Variants in RECQL5 observed in about 807,000 individuals in gnomAD.
RECQL5 encodes ATP-dependent DNA helicase Q5.
In RECQL5, 88 loss-of-function variants were observed where a neutral mutation model predicts 103.4. The observed-to-expected ratio is 0.85, with a 90% CI of 0.72 to 1.02. RECQL5 has a LOEUF of 1.02. Ranked by LOEUF, RECQL5 falls within the 50% of genes least tolerant of loss-of-function variation. The pLI, the probability that RECQL5 is intolerant of heterozygous loss-of-function variation, is 0.00. For missense variants in RECQL5, 1,232 were observed against 1,284.3 expected, an observed-to-expected ratio of 0.96 and a Z score of 0.62; for synonymous variants, 552 against 507.9, an observed-to-expected ratio of 1.09 and a Z score of -1.17.
intron 8 of RECQL5, among the ~76,000 whole-genome samples, chr17:75,642,547 T>C (rs2059446336): frequency 6.6e-6 from 1 of 152,230 alleles, no homozygotes; most frequent in African/African-American, 2.4e-5. Flanking sequence ...AGAGAGTAAG[T>C]GTTTTCATAC....
chr17:75,640,744 C>G lies in RECQL5; in HGVS notation c.1230-9076G>C. The G allele has an allele frequency of 6.5e-7, 1 of 1,530,836 alleles. No individual in the cohort carries two copies. Among genetic ancestry groups the G allele is most frequent in the African/African-American group, 1.4e-5 (1 of 72,872 alleles). 94.8% of individuals were successfully genotyped at this position (1,530,836 alleles called of 1,614,324 possible). A position where few individuals can be genotyped will look rare whatever the true frequency, so the allele number is the denominator to read the frequency against. ...TTTCTCTGGGAGGAGGGTGGGCATCCTTTCTCTCCCCCAACCTGAGTCCCG... is the reference window on the plus strand; with the variant it reads ...TTTCTCTGGGAGGAGGGTGGGCATCGTTTCTCTCCCCCAACCTGAGTCCCG... On this transcript the variant is annotated intron_variant, in intron 8 of 19. Transcript: ENST00000317905. The surrounding 1 kb of genome is among the most constrained non-coding windows in gnomAD (Gnocchi z 4.6).
chr17:75,665,248 G>A, intron 2 of RECQL5, 76 bp from the exon 3 acceptor site: 1 of 1,406,418 alleles, frequency 7.1e-7, no homozygotes, highest in Non-Finnish European at 9.9e-7. Context: ...AAATGAGAAT[G>A]TAGGAAAAGC....
In RECQL5 at chr17:75,629,944, G is replaced by A. The variant is rs575952107; in HGVS notation, c.1813-102C>T. On this transcript the variant is annotated intron_variant, in intron 14 of 19. Transcript: ENST00000317905. The stretch of plus-strand genomic sequence containing the variant: ...CTAGGCACTACAAGTGGGTTTCTGT[G>A]GCCAGTGGCCACAGGCAACTGACCA... 3.5e-6 allele frequency: 5 copies of A among 1,445,856 alleles called. No homozygotes were observed. In the East Asian group the frequency reaches 7.1e-5, roughly 21 times the overall value. The allele number at this position is 1,445,856 out of a possible 1,614,324, so 89.6% of individuals were successfully genotyped here.
In RECQL5 at chr17:75,662,633, G is replaced by A. The variant is rs1056533482; in HGVS notation, c.617C>T (p.Ala206Val). 3.7e-6 allele frequency: 6 copies of A among 1,614,184 alleles called. No homozygotes were observed. Among genetic ancestry groups the A allele is most frequent in the Non-Finnish European group, 5.1e-6 (6 of 1,180,044 alleles). ...GGCAACTGGTTTCTTCAGGTGCAGG[G>A]CAGCAAACACGTCCTCTTGGACCTG... ...TPQVQEDVFA[A>V]LHLKKPVAIF... Residue 206 changes from alanine (A) to valine (V), a missense_variant, in exon 4 of 20, where the codon GCC becomes GTC. Ala to Val is a moderately conservative substitution (Grantham distance 64). Transcript: ENST00000317905.
At chr17:75,638,761 G>C (rs1599012659) in intron 8 of RECQL5, 1 of 152,328 alleles carries the variant, frequency 6.6e-6, no homozygotes, top group South Asian at 2.1e-4. Context: ...CCATATCAGA[G>C]ACATGAAGCA....
chr17:75,661,544 CAA>C, intron 5 of RECQL5, 60 bp downstream of exon 5: 1 of 1,164,376 alleles, frequency 8.6e-7, no homozygotes, highest in African/African-American at 1.5e-5. Flanking sequence ...CTGTAAAGAA[CAA>C]GAGACCAGCT....
Position 75,661,013 on chromosome 17 carries a change from C to A in RECQL5, c.928G>T (p.Val310Phe), listed in dbSNP as rs2059691441. The change falls in exon 6 of 20, where the codon GTC becomes TTC. Residue 310 changes from valine to phenylalanine, a missense_variant. Val to Phe is a conservative substitution (Grantham distance 50). Transcript: ENST00000317905. ...LVQNDWMEEK[V>F]PVIVATISFG... ...CTAATGGTTGCAACAATTACAGGGACCTTCTCCTCCATCCAGTCGTTCTGC... is the reference window on the plus strand; with the variant it reads ...CTAATGGTTGCAACAATTACAGGGAACTTCTCCTCCATCCAGTCGTTCTGC... 5 of 1,614,200 alleles carry A rather than the reference C, an allele frequency of 3.1e-6. No homozygotes were observed. In the African/African-American group the frequency reaches 4.0e-5, roughly 13 times the overall value.
chr17:75,654,774 C>G (rs1315305668), intron 7 of RECQL5, among the ~76,000 whole-genome samples: 3 of 151,986 alleles, frequency 2.0e-5, no homozygotes, highest in Non-Finnish European at 4.4e-5. Flanking sequence ...CGCACATCAC[C>G]ATGCTCAGCT....
Position 75,631,618 on chromosome 17 carries a change from CAGGCAGGCAGCG to C in RECQL5, c.1268_1279del (p.Ala423_Cys427delinsGly). ...CTGGCAGTGGTCGCAGCCTTTGGCG[CAGGCAGGCAGCG>C]CATCCCCGAAGTACTTGGCAATGGC... On this transcript the variant is annotated inframe_deletion, in exon 9 of 20. Transcript: ENST00000317905. 1 of 1,612,412 alleles carries C rather than the reference CAGGCAGGCAGCG, an allele frequency of 6.2e-7. No homozygotes were observed. Among genetic ancestry groups the C allele is most frequent in the Non-Finnish European group, 8.5e-7 (1 of 1,179,836 alleles).
At chr17:75,647,602 G>A in intron 8 of RECQL5, 1 of 1,543,794 alleles carries the variant, frequency 6.5e-7, no homozygotes, top group East Asian at 2.4e-5. Context: ...AGCAGGGGAG[G>A]CGAGCTGACC....
At position 75,665,313 on chromosome 17, in the gene RECQL5, C is replaced by T. The variant is rs139442748; in HGVS notation, c.131-141G>A. 3.1e-5 allele frequency: 22 copies of T among 703,902 alleles called. No homozygotes were observed. The African/African-American group carries it at 3.6e-4, about 11-fold the overall frequency. 43.6% of individuals were successfully genotyped at this position (703,902 alleles called of 1,614,324 possible). ...GTCTCGATGTAATCCTAATTCCCCT[C>T]CTGTCCTTTCTATGAAAAAGGCAAG... On this transcript the variant is annotated intron_variant, in intron 2 of 19. Coordinates refer to ENST00000317905, the MANE Select transcript of RECQL5 (RefSeq NM_004259.7).
rs1406042851 is a variant in RECQL5 at position 75,627,306 on chromosome 17, G to A, written c.*116C>T. On this transcript the variant is annotated 3_prime_UTR_variant, in exon 20 of 20. Transcript: ENST00000317905. ...GGGGTCATCCCCAAAGCCAAGTATG[G>A]TTGGAAAGGAGAAGGACTGAGAAAA... 1 of 838,304 alleles carries A rather than the reference G, an allele frequency of 1.2e-6. No homozygotes were observed. The highest frequency in any genetic ancestry group is 2.0e-6 in the Non-Finnish European group (1 of 499,782). The allele number at this position is 838,304 out of a possible 1,614,324, so 51.9% of individuals were successfully genotyped here. A position where few individuals can be genotyped will look rare whatever the true frequency, so the allele number is the denominator to read the frequency against.
At position 75,661,660 on chromosome 17, in the gene RECQL5, G is replaced by C. The variant is rs749382271; in HGVS notation, c.820C>G (p.Gln274Glu). 6.2e-7 allele frequency: 1 copy of C among 1,613,800 alleles called. No individual in the cohort carries two copies. The highest frequency in any genetic ancestry group is 2.2e-5 in the East Asian group (1 of 44,886). Reference sequence around the variant, plus strand: ...CTGCAGCTGAGCTCTATGGCCAGCTGTTCACAAGCCTCTCTAGTCCTGCAG... The same window carrying C: ...CTGCAGCTGAGCTCTATGGCCAGCTCTTCACAAGCCTCTCTAGTCCTGCAG... Reference protein sequence around the residue: ...VYCRTREACEQLAIELSCRGV... With the variant: ...VYCRTREACEELAIELSCRGV... The change falls in exon 5 of 20, where the codon CAG becomes GAG. Residue 274 changes from glutamine (Q) to glutamate (E), a missense_variant. By Grantham distance (29) the Gln-to-Glu change is conservative. Transcript: ENST00000317905.
chr17:75,628,766 G>A lies in RECQL5; in HGVS notation c.2490-4C>T, dbSNP rs1465347940. The stretch of plus-strand genomic sequence containing the variant: ...CTGGTCTCTGGGCGGGCAGGTGCTG[G>A]TAGAGGGAAGAGCAGGCATCACAGC... On this transcript the variant is annotated splice_polypyrimidine_tract_variant and splice_region_variant and intron_variant, in intron 16 of 19. Coordinates refer to ENST00000317905, the MANE Select transcript of RECQL5 (RefSeq NM_004259.7). 1.9e-6 allele frequency: 3 copies of A among 1,599,686 alleles called. No individual in the cohort carries two copies. The highest frequency in any genetic ancestry group is 8.5e-7 in the Non-Finnish European group (1 of 1,176,598).
intron 14 of RECQL5, 104 bp downstream of exon 14, chr17:75,630,080 G>T: frequency 4.8e-6 from 5 of 1,036,724 alleles, no homozygotes; most frequent in East Asian, 2.6e-5. Context: ...GCTGGGGAGG[G>T]TGAGTTCTGG....
rs2059716723 is a variant in RECQL5 at position 75,662,771 on chromosome 17, T to C, written c.479A>G (p.His160Arg). Reference sequence around the variant, plus strand: ...GTCATGCCCCCATTGGGAAACACAATGAGCTTCATCCACCACCAAGTAAGA... The same window carrying C: ...GTCATGCCCCCATTGGGAAACACAACGAGCTTCATCCACCACCAAGTAAGA... Reference protein sequence around the residue: ...LLSYLVVDEAHCVSQWGHDFR... With the variant: ...LLSYLVVDEARCVSQWGHDFR... The change falls in exon 4 of 20, where the codon CAT (histidine) becomes CGT (arginine). Residue 160 changes from histidine to arginine, a missense_variant. By Grantham distance (29) the His-to-Arg change is conservative (BLOSUM62 0). Transcript: ENST00000317905. The C allele has an allele frequency of 1.2e-6, 2 of 1,614,032 alleles. No homozygotes were observed. The highest frequency in any genetic ancestry group is 8.5e-7 in the Non-Finnish European group (1 of 1,180,018).
At position 75,627,356 on chromosome 17, in the gene RECQL5, T is replaced by A; in HGVS notation, c.*66A>T. ...AGACGATGGCCCTGGCATCAGCAGG[T>A]GAGGCCCAGGATGACCCATGCTAGA... On this transcript the variant is annotated 3_prime_UTR_variant, in exon 20 of 20. Transcript: ENST00000317905. 1 of 1,212,372 alleles carries A rather than the reference T, an allele frequency of 8.2e-7. No homozygotes were observed. Among genetic ancestry groups the A allele is most frequent in the Non-Finnish European group, 1.2e-6 (1 of 821,508 alleles). 75.1% of individuals were successfully genotyped at this position (1,212,372 alleles called of 1,614,324 possible).
intron 14 of RECQL5, 93 bp from the exon 15 acceptor site, chr17:75,629,935 G>T (rs2059175471): frequency 6.8e-7 from 1 of 1,474,040 alleles, no homozygotes; most frequent in Admixed American, 2.4e-5. Context: ...ACTACAAGTG[G>T]GTTTCTGTGG....
At position 75,662,651 on chromosome 17, in the gene RECQL5, T is replaced by C. The variant is rs1943199156; in HGVS notation, c.599A>G (p.Gln200Arg). The change falls in exon 4 of 20, where the codon CAA (glutamine) becomes CGA (arginine). Residue 200 changes from glutamine to arginine, a missense_variant. Gln to Arg is a conservative substitution (Grantham distance 43). Coordinates refer to ENST00000317905, the MANE Select transcript of RECQL5 (RefSeq NM_004259.7). ...GTGCAGGGCAGCAAACACGTCCTCTTGGACCTGTGGGGTGGCTGTGGCGGT... is the reference window on the plus strand; with the variant it reads ...GTGCAGGGCAGCAAACACGTCCTCTCGGACCTGTGGGGTGGCTGTGGCGGT... ...ALTATATPQV[Q>R]EDVFAALHLK... 1.2e-6 allele frequency: 2 copies of C among 1,614,148 alleles called. No individual in the cohort carries two copies. The highest frequency in any genetic ancestry group is 1.6e-4 in the Middle Eastern group (1 of 6,062).
Sources: gnomAD v4.1 joint callset for allele counts (sites outside exome capture counted in the v4.1 genomes callset) on GRCh38, gnomAD v4.1.1 for gene constraint, Gnocchi (gnomAD v3.1) non-coding constraint, MANE v1.5 for transcripts, NCBI Gene and HGNC (gene_info 2026-07-23, HGNC 2026-07-21) for gene names.